RIMS1: variants seen among roughly 807,000 people sequenced by gnomAD.
The protein encoded by RIMS1 is regulating synaptic membrane exocytosis protein 1.
RIMS1 carries 83 observed loss-of-function variants against 214.1 expected under a neutral mutation model. The ratio of observed to expected loss-of-function variants is 0.39; its 90% CI spans 0.32 to 0.47. The LOEUF is 0.47. Among genes scored for constraint, RIMS1 ranks in the 20% least tolerant of loss-of-function variants. The probability of loss-of-function intolerance (pLI) is 0.99; values close to 1 mark genes in which losing one functional copy is unlikely to be tolerated. For missense variants in RIMS1, 2,050 were observed against 2,161.8 expected, an observed-to-expected ratio of 0.95 and a Z score of 1.03; for synonymous variants, 793 against 786.8, an observed-to-expected ratio of 1.01 and a Z score of -0.13.
rs1468253641 is a variant in RIMS1, at chr6:72,307,308, C to G, written c.3901C>G (p.Arg1301Gly). 83 of 1,605,966 alleles carry G rather than the reference C, an allele frequency of 5.2e-5. No individual in the cohort carries two copies. Among genetic ancestry groups the G allele is most frequent in the Non-Finnish European group, 6.8e-5 (80 of 1,176,288 alleles). ...AAGACAGATGAAAATGAAAGTGCAT[C>G]GATTTAAGCAGACAACAGGGTCTGG... Reference protein sequence around the residue: ...RTRQMKMKVHRFKQTTGSGSS... With the variant: ...RTRQMKMKVHGFKQTTGSGSS... The change falls in exon 27 of 34, where the codon CGA (arginine) becomes GGA (glycine). Residue 1301 changes from arginine (R) to glycine (G), a missense_variant. This residue lies in a region of RIMS1 where 889 missense variants were observed against 885.5 expected (regional missense o/e 1.00). Coordinates refer to ENST00000521978, the MANE Select transcript of RIMS1 (RefSeq NM_014989.7).
intron 29 of RIMS1, 136 bp from the exon 30 acceptor site, chr6:72,390,462 C>T (rs62407527): frequency 0.023 from 23,228 of 992,640 alleles, 343 homozygotes; most frequent in Non-Finnish European, 0.026. Flanking sequence ...AAGCAAAGTA[C>T]TCCCTTAGGT....
At chr6:72,067,851 G>A (rs1317183426) in intron 2 of RIMS1, among the ~76,000 whole-genome samples, 1 of 152,154 alleles carries the variant, frequency 6.6e-6, no homozygotes, top group Admixed American at 6.5e-5. Flanking sequence ...CTTCATTAAT[G>A]TGAGTCAAGT....
intron 1 of RIMS1, among the ~76,000 whole-genome samples, chr6:71,890,589 A>C (rs73748924): frequency 0.41 from 55,083 of 134,248 alleles, 12,632 homozygotes; most frequent in Admixed American, 0.5. Flanking sequence ...AAAAAAAAAA[A>C]AAAAAAAACT....
At chr6:72,275,817 C>T (rs1024682430) in intron 23 of RIMS1, among the ~76,000 whole-genome samples, 6 of 152,074 alleles carry the variant, frequency 3.9e-5, no homozygotes, top group African/African-American at 1.4e-4. Flanking sequence ...ACTTATTGTA[C>T]CCCTACTATG....
At position 72,252,801 on chromosome 6, in the gene RIMS1, G is replaced by C. The variant is rs765679811; in HGVS notation, c.2739G>C (p.Glu913Asp). The change falls in exon 16 of 34, where the codon GAG (glutamate) becomes GAC (aspartate). Residue 913 changes from glutamate (E) to aspartate (D), a missense_variant. Coordinates refer to ENST00000521978, the MANE Select transcript of RIMS1 (RefSeq NM_014989.7). ...RISDSDISDYEVDDGIGVVPP... is the reference protein window; with the variant it reads ...RISDSDISDYDVDDGIGVVPP... ...GTGATAGTGACATCTCAGATTATGA[G>C]GTTGATGATGGTATTGGCGTAGTTC... The C allele has an allele frequency of 1.3e-6, 2 of 1,558,332 alleles. No individual in the cohort carries two copies. The highest frequency in any genetic ancestry group is 1.9e-5 in the Admixed American group (1 of 51,738).
At chr6:71,975,200 G>A (rs1333190303) in intron 2 of RIMS1, among the ~76,000 whole-genome samples, 2 of 152,144 alleles carry the variant, frequency 1.3e-5, no homozygotes, top group African/African-American at 2.4e-5. Context: ...ACAATCTATA[G>A]TGGGTATAAC....
intron 1 of RIMS1, among the ~76,000 whole-genome samples, chr6:71,906,163 G>A (rs910794815): frequency 2.6e-5 from 4 of 152,108 alleles, no homozygotes; most frequent in South Asian, 4.1e-4. Context: ...TGTCTAGGGA[G>A]TGTCTTAAAC....
In RIMS1 at chr6:72,244,238, CT is replaced by C. The variant is rs35273086; in HGVS notation, c.2082-1573del. 1.8e-3 allele frequency among the ~76,000 whole-genome samples: 276 copies of C among 151,742 alleles called. 2 individuals carry two copies. The highest frequency in any genetic ancestry group is 3.4e-3 in the Middle Eastern group (1 of 294). On this transcript the variant is annotated intron_variant, in intron 10 of 33. Transcript: ENST00000521978. The stretch of plus-strand genomic sequence containing the variant: ...AAATACAATATCCTTGACCTTTATG[CT>C]TTTAATTGTTATTAAAACTACTCTA...
At chr6:72,023,489 T>G (rs555693759) in intron 2 of RIMS1, among the ~76,000 whole-genome samples, 6 of 152,194 alleles carry the variant, frequency 3.9e-5, no homozygotes, top group African/African-American at 1.4e-4. Context: ...TACATATATT[T>G]CCTGTAGGAA....
chr6:72,117,460 G>A (rs116758499), intron 4 of RIMS1, among the ~76,000 whole-genome samples: 20 of 151,518 alleles, frequency 1.3e-4, no homozygotes, highest in Admixed American at 6.6e-5. Flanking sequence ...TAGTCCTGTC[G>A]GTGGAATATT....
At chr6:72,283,296 T>C (rs961444971) in intron 23 of RIMS1, among the ~76,000 whole-genome samples, 2 of 152,172 alleles carry the variant, frequency 1.3e-5, no homozygotes, top group Admixed American at 6.6e-5. Context: ...ATTAGACATA[T>C]GTAAGCTGCT....
intron 6 of RIMS1, among the ~76,000 whole-genome samples, chr6:72,214,658 A>T (rs1441850251): frequency 6.6e-6 from 1 of 152,138 alleles, no homozygotes; most frequent in Non-Finnish European, 1.5e-5. Context: ...CAATAGACAC[A>T]TGCAGTGTAT....
chr6:72,194,413 C>T (rs2463713), intron 6 of RIMS1, among the ~76,000 whole-genome samples: 108,040 of 151,840 alleles, frequency 0.71, 38,782 homozygotes, highest in East Asian at 0.84. Context: ...ATATATACTA[C>T]TATTTGTATT....
At chr6:72,254,460 T>C (rs556945401) in intron 16 of RIMS1, among the ~76,000 whole-genome samples, 1 of 152,300 alleles carries the variant, frequency 6.6e-6, no homozygotes, top group African/African-American at 2.4e-5. Flanking sequence ...TCATTTGGGA[T>C]ATTCAAATAG....
intron 2 of RIMS1, among the ~76,000 whole-genome samples, chr6:72,074,708 C>T (rs114011763): frequency 1.2e-3 from 183 of 152,118 alleles, no homozygotes; most frequent in African/African-American, 4.3e-3. Flanking sequence ...ACATTGTGTC[C>T]GTTAGCAGGG....
At chr6:72,112,720 T>C (rs1301206827) in intron 4 of RIMS1, among the ~76,000 whole-genome samples, 1 of 152,176 alleles carries the variant, frequency 6.6e-6, no homozygotes, top group Non-Finnish European at 1.5e-5. Context: ...CATGTAAAAT[T>C]GTAGCCACAG....
chr6:72,138,114 C>A (rs1377741303), intron 4 of RIMS1, among the ~76,000 whole-genome samples: 1 of 151,804 alleles, frequency 6.6e-6, no homozygotes, highest in Non-Finnish European at 1.5e-5. Context: ...ATAGACGGTT[C>A]AAAAAGGTAG....
At chr6:72,148,677 G>T (rs2043079715) in intron 4 of RIMS1, 9 of 452,838 alleles carry the variant, frequency 2.0e-5, no homozygotes, top group Non-Finnish European at 4.0e-5. Flanking sequence ...CCCTAGACTT[G>T]TGCTGTCACT....
chr6:71,988,098 T>G (rs946588088), intron 2 of RIMS1, among the ~76,000 whole-genome samples: 5 of 152,140 alleles, frequency 3.3e-5, no homozygotes, highest in Non-Finnish European at 7.4e-5. Flanking sequence ...GAAAGGATGC[T>G]TAATCATTTG....
Sources: allele counts gnomAD v4.1 joint callset (sites outside exome capture counted in the v4.1 genomes callset), GRCh38; gene constraint gnomAD v4.1.1; regional missense constraint gnomAD v4.1.1; transcripts MANE v1.5; gene names NCBI Gene and HGNC (gene_info 2026-07-23, HGNC 2026-07-21).